The following SPMAP2L variants were observed in gnomAD, a reference collection of about 807,000 sequenced individuals.
SPMAP2L encodes sperm microtubule associated protein 2 like.
the SPMAP2L span, among the ~76,000 whole-genome samples, chr4:56,611,572 T>G: frequency 6.6e-6 from 1 of 152,054 alleles, no homozygotes. Flanking sequence ...CAATAACCTA[T>G]GGAATTAAAA....
chr4:56,584,725 T>C, the SPMAP2L span: 1 of 724,150 alleles, frequency 1.4e-6, no homozygotes, highest in Admixed American at 2.5e-5. Context: ...TCTTATCAAA[T>C]GAACTTTTCT....
chr4:56,612,858 C>A, the SPMAP2L span, among the ~76,000 whole-genome samples: 1 of 151,968 alleles, frequency 6.6e-6, no homozygotes, highest in East Asian at 1.9e-4. Context: ...TGAGCCCCCA[C>A]GCCCGGCCTG....
At chr4:56,595,229 A>T in the SPMAP2L span, 2 of 1,611,750 alleles carry the variant, frequency 1.2e-6, no homozygotes, top group African/African-American at 1.3e-5. Flanking sequence ...GCAAGAGGTT[A>T]TGTGGGTCAT....
chr4:56,597,142 CTGAAACCTGACTGGT>C, the SPMAP2L span, among the ~76,000 whole-genome samples: 1 of 152,160 alleles, frequency 6.6e-6, no homozygotes, highest in Non-Finnish European at 1.5e-5. Flanking sequence ...AATATTTGAG[CTGAAACCTGACTGGT>C]AAGAAGGAGT....
At chr4:56,609,574 A>C in the SPMAP2L span, among the ~76,000 whole-genome samples, 1 of 152,326 alleles carries the variant, frequency 6.6e-6, no homozygotes, top group Non-Finnish European at 1.5e-5. Flanking sequence ...AACCGGAGGC[A>C]AAATGCTGTA....
At chr4:56,534,215 CA>C in the SPMAP2L span, among the ~76,000 whole-genome samples, 1 of 152,194 alleles carries the variant, frequency 6.6e-6, no homozygotes, top group African/African-American at 2.4e-5. Flanking sequence ...CACTTAGCTG[CA>C]GTGGCTTTTG....
At chr4:56,608,646 C>T in the SPMAP2L span, among the ~76,000 whole-genome samples, 2 of 152,194 alleles carry the variant, frequency 1.3e-5, no homozygotes, top group Admixed American at 6.5e-5. Flanking sequence ...GGTATGGCTT[C>T]AGTGGGCCCA....
chr4:56,580,064 T>G, the SPMAP2L span, among the ~76,000 whole-genome samples: 3 of 152,142 alleles, frequency 2.0e-5, no homozygotes, highest in African/African-American at 7.2e-5. Context: ...TCCAACTCAT[T>G]CTATGAGGAC....
At chr4:56,591,051 A>G in the SPMAP2L span, among the ~76,000 whole-genome samples, 1 of 152,210 alleles carries the variant, frequency 6.6e-6, no homozygotes, top group Non-Finnish European at 1.5e-5. Context: ...ATGATTCAAT[A>G]TGTTATGGTT....
chr4:56,600,105 T>C, the SPMAP2L span, among the ~76,000 whole-genome samples: 4 of 82,474 alleles, frequency 4.9e-5, no homozygotes, highest in African/African-American at 1.5e-4. Context: ...TTCTTTTTTT[T>C]TTTTTTTTTT....
the SPMAP2L span, chr4:56,595,518 C>A: frequency 1.8e-5 from 27 of 1,514,598 alleles, no homozygotes; most frequent in Non-Finnish European, 2.4e-5. Context: ...CCCTGACCTG[C>A]GTTATATCTT....
the SPMAP2L span, among the ~76,000 whole-genome samples, chr4:56,589,553 A>G: frequency 6.6e-6 from 1 of 152,026 alleles, no homozygotes; most frequent in Non-Finnish European, 1.5e-5. Context: ...TATTGATTCT[A>G]CCCATCCATG....
chr4:56,607,712 G>A, the SPMAP2L span, among the ~76,000 whole-genome samples: 2 of 152,110 alleles, frequency 1.3e-5, no homozygotes, highest in Non-Finnish European at 2.9e-5. Context: ...AGTAACCTGG[G>A]CATGGTGGCT....
chr4:56,572,399 G>A, the SPMAP2L span, among the ~76,000 whole-genome samples: 3 of 152,254 alleles, frequency 2.0e-5, no homozygotes, highest in Admixed American at 6.5e-5. Flanking sequence ...GTCATTACAC[G>A]GTGCTTGACT....
the SPMAP2L span, among the ~76,000 whole-genome samples, chr4:56,550,109 T>G: frequency 6.6e-6 from 1 of 152,208 alleles, no homozygotes; most frequent in Admixed American, 6.5e-5. Flanking sequence ...TTTACATGTA[T>G]GGTTATTATT....
chr4:56,619,741 AG>A, the SPMAP2L span, among the ~76,000 whole-genome samples: 1 of 152,262 alleles, frequency 6.6e-6, no homozygotes, highest in Admixed American at 6.5e-5. Context: ...TGAACTAAAA[AG>A]CTTCTGCAGA....
the SPMAP2L span, among the ~76,000 whole-genome samples, chr4:56,558,521 A>G: frequency 1.3e-5 from 2 of 152,158 alleles, no homozygotes; most frequent in African/African-American, 4.8e-5. Flanking sequence ...ATGAGGGTTC[A>G]GTTCTTGGAC....
At chr4:56,561,261 G>C in the SPMAP2L span, among the ~76,000 whole-genome samples, 2 of 152,104 alleles carry the variant, frequency 1.3e-5, no homozygotes, top group Non-Finnish European at 2.9e-5. Context: ...ATATAGAAAT[G>C]ATCTTTGCAT....
chr4:56,610,284 A>G, the SPMAP2L span, among the ~76,000 whole-genome samples: 1 of 122,958 alleles, frequency 8.1e-6, no homozygotes, highest in African/African-American at 3.4e-5. Context: ...GAACCCAGAA[A>G]TAAACCCAAA....
Sources: gnomAD v4.1 joint callset for allele counts (sites outside exome capture counted in the v4.1 genomes callset) on GRCh38, gnomAD v4.1.1 for gene constraint, MANE v1.5 for transcripts, NCBI Gene and HGNC (gene_info 2026-07-23, HGNC 2026-07-21) for gene names.